Variants in EPB41L4A observed in about 807,000 individuals in gnomAD.
EPB41L4A encodes the protein band 4.1-like protein 4A.
A neutral mutation model predicts 108.6 loss-of-function variants in EPB41L4A; 100 were observed. The ratio of observed to expected loss-of-function variants is 0.92; its 90% CI spans 0.78 to 1.09. The LOEUF is 1.09. Ranked by LOEUF, EPB41L4A falls within the 50% of genes least tolerant of loss-of-function variation. The pLI is 0.00. For synonymous variants in EPB41L4A, 319 were observed against 289.0 expected, an observed-to-expected ratio of 1.10 and a Z score of -1.05; for missense variants, 1,030 against 842.7, an observed-to-expected ratio of 1.22 and a Z score of -2.75.
chr5:112,289,272 C>A (rs1753493770), intron 2 of EPB41L4A, among the ~76,000 whole-genome samples: 1 of 152,086 alleles, frequency 6.6e-6, no homozygotes, highest in South Asian at 2.1e-4. Flanking sequence ...TCATTGAAAT[C>A]TTATAAGTAG....
At chr5:112,181,339 T>G (rs979553324) in intron 18 of EPB41L4A, among the ~76,000 whole-genome samples, 1 of 151,928 alleles carries the variant, frequency 6.6e-6, no homozygotes. Flanking sequence ...TTGTCCCAGC[T>G]ACTCGGGAGG....
chr5:112,150,298 C>T (rs768907688), intron 12 of EPB41L4A, among the ~76,000 whole-genome samples: 14 of 151,816 alleles, frequency 9.2e-5, no homozygotes, highest in Non-Finnish European at 2.1e-4. Flanking sequence ...GACAAACCCA[C>T]GAGAAAATGG....
At chr5:112,239,106 TG>T in intron 11 of EPB41L4A, among the ~76,000 whole-genome samples, 1 of 152,302 alleles carries the variant, frequency 6.6e-6, no homozygotes, top group East Asian at 1.9e-4. Flanking sequence ...CATACATTAA[TG>T]GGGCTAATAT....
intron 1 of EPB41L4A, among the ~76,000 whole-genome samples, chr5:112,401,838 TG>T (rs1194703326): frequency 1.4e-4 from 22 of 152,236 alleles, no homozygotes; most frequent in African/African-American, 5.3e-4. Flanking sequence ...CAATTTTTAC[TG>T]ATCATTTTTG....
chr5:112,156,684 T>G (rs1282811487), intron 12 of EPB41L4A, among the ~76,000 whole-genome samples: 1 of 152,174 alleles, frequency 6.6e-6, no homozygotes, highest in Admixed American at 6.5e-5. Context: ...ATACATAAAA[T>G]CGACTATCAC....
chr5:112,411,588 A>T (rs1762416238), intron 1 of EPB41L4A, among the ~76,000 whole-genome samples: 2 of 151,928 alleles, frequency 1.3e-5, no homozygotes, highest in Non-Finnish European at 2.9e-5. Flanking sequence ...GGCAGATATC[A>T]TGCCCCTCAG....
intron 17 of EPB41L4A, among the ~76,000 whole-genome samples, chr5:112,188,876 C>A (rs536584960): frequency 6.6e-6 from 1 of 152,126 alleles, no homozygotes; most frequent in Non-Finnish European, 1.5e-5. Context: ...TCTTCTTTAC[C>A]ACTCCCAAAA....
chr5:112,385,847 T>C (rs190777272), intron 1 of EPB41L4A, among the ~76,000 whole-genome samples: 214 of 152,322 alleles, frequency 1.4e-3, no homozygotes, highest in Non-Finnish European at 1.7e-3. Flanking sequence ...CTAGTGGGTG[T>C]TCAAATCGGT....
chr5:112,281,961 AAGT>A (rs745915142), intron 2 of EPB41L4A, among the ~76,000 whole-genome samples: 8 of 152,202 alleles, frequency 5.3e-5, no homozygotes, highest in Admixed American at 4.6e-4. Context: ...TTTTAAAAAA[AAGT>A]AGAGTAACCA....
intron 18 of EPB41L4A, among the ~76,000 whole-genome samples, chr5:112,179,701 A>G (rs1761049333): frequency 6.6e-6 from 1 of 152,158 alleles, no homozygotes; most frequent in African/African-American, 2.4e-5. Context: ...AGCTAGCATC[A>G]TATATAATGT....
chr5:112,402,132 G>A (rs142544051), intron 1 of EPB41L4A, among the ~76,000 whole-genome samples: 333 of 152,208 alleles, frequency 2.2e-3, no homozygotes, highest in African/African-American at 7.6e-3. Flanking sequence ...GGATCTTGGC[G>A]GCAAATTTCT....
rs1760145329 is a variant in EPB41L4A, at chr5:112,164,966, C to T, written c.*24G>A. 9 of 1,599,324 alleles carry T rather than the reference C, an allele frequency of 5.6e-6. No homozygotes were observed. Among genetic ancestry groups the T allele is most frequent in the Non-Finnish European group, 7.7e-6 (9 of 1,174,800 alleles). On this transcript the variant is annotated 3_prime_UTR_variant, in exon 23 of 23. Coordinates refer to ENST00000261486, the MANE Select transcript of EPB41L4A (RefSeq NM_022140.5). ...CAGTGGCGCACACAACCTTCCCACCCCTACCCTTGACCCTTCATCAGGATC... is the reference window on the plus strand; with the variant it reads ...CAGTGGCGCACACAACCTTCCCACCTCTACCCTTGACCCTTCATCAGGATC...
intron 17 of EPB41L4A, among the ~76,000 whole-genome samples, chr5:112,193,587 C>G (rs943487109): frequency 6.6e-6 from 1 of 152,198 alleles, no homozygotes; most frequent in Non-Finnish European, 1.5e-5. Context: ...AGGCGTGAGC[C>G]ACCGCACCTG....
At chr5:112,205,653 G>C (rs1762437054) in intron 13 of EPB41L4A, 149 bp from the exon 14 acceptor site, 10 of 651,458 alleles carry the variant, frequency 1.5e-5, no homozygotes, top group East Asian at 2.9e-5. Flanking sequence ...AAAAGAACAT[G>C]AAGTCGCTGC....
chr5:112,390,383 CAGG>C (rs910506204), intron 1 of EPB41L4A, among the ~76,000 whole-genome samples: 7 of 152,166 alleles, frequency 4.6e-5, no homozygotes, highest in Admixed American at 3.9e-4. Flanking sequence ...AACAGAACAC[CAGG>C]AGATTACATC....
intron 12 of EPB41L4A, among the ~76,000 whole-genome samples, chr5:112,214,559 C>A (rs566847221): frequency 6.6e-6 from 1 of 152,042 alleles, no homozygotes; most frequent in Non-Finnish European, 1.5e-5. Flanking sequence ...GTCAGGAGAT[C>A]GAGACCATCC....
chr5:112,279,200 T>C (rs1298813716), intron 3 of EPB41L4A, among the ~76,000 whole-genome samples: 1 of 151,932 alleles, frequency 6.6e-6, no homozygotes, highest in Admixed American at 6.6e-5. Flanking sequence ...GGAAAGGCGA[T>C]GAGAAACAAC....
intron 1 of EPB41L4A, among the ~76,000 whole-genome samples, chr5:112,329,829 G>T (rs1756436171): frequency 6.6e-6 from 1 of 151,920 alleles, no homozygotes; most frequent in South Asian, 2.1e-4. Flanking sequence ...AAGGTAGCAA[G>T]CCATTCCCAC....
intron 1 of EPB41L4A, among the ~76,000 whole-genome samples, chr5:112,354,479 A>C (rs932843543): frequency 6.6e-6 from 1 of 152,238 alleles, no homozygotes; most frequent in Admixed American, 6.5e-5. Flanking sequence ...AGGCATAGAA[A>C]AATGAGGGAA....
Sources: gnomAD v4.1 joint callset for allele counts (sites outside exome capture counted in the v4.1 genomes callset) on GRCh38, gnomAD v4.1.1 for gene constraint, MANE v1.5 for transcripts, NCBI Gene and HGNC (gene_info 2026-07-23, HGNC 2026-07-21) for gene names.